DYSF: variants seen among roughly 807,000 people sequenced by gnomAD.
The protein encoded by DYSF is dysferlin.
DYSF carries 212 observed loss-of-function variants against 274.9 expected under a neutral mutation model. That is an observed-to-expected ratio of 0.77 (90% CI 0.69 to 0.86). The LOEUF (loss-of-function observed/expected upper bound fraction) is 0.86, where lower values mean the gene tolerates loss of function less well. Ranked by LOEUF, DYSF falls within the 40% of genes least tolerant of loss-of-function variation. The pLI is 0.00. For synonymous variants in DYSF, 1,091 were observed against 1,078.7 expected, an observed-to-expected ratio of 1.01 and a Z score of -0.22; for missense variants, 2,666 against 2,783.2, an observed-to-expected ratio of 0.96 and a Z score of 0.95.
intron 43 of DYSF, 26 bp downstream of exon 43, chr2:71,656,316 C>G: frequency 6.2e-7 from 1 of 1,612,920 alleles, no homozygotes; most frequent in South Asian, 1.1e-5. Context: ...CGTCCCTAAC[C>G]CAGGTGGGCC....
intron 42 of DYSF, among the ~76,000 whole-genome samples, chr2:71,655,887 C>T (rs1345735312): frequency 1.3e-5 from 2 of 151,898 alleles, no homozygotes; most frequent in Non-Finnish European, 2.9e-5. Flanking sequence ...TCCTTTTGCT[C>T]CCTTCCCCTG....
chr2:71,521,439 A>G (rs1358698894), intron 12 of DYSF, among the ~76,000 whole-genome samples: 1 of 152,222 alleles, frequency 6.6e-6, no homozygotes, highest in Non-Finnish European at 1.5e-5. Context: ...TACAAACACC[A>G]GAGCACCCAC....
chr2:71,656,719 G>T (rs947592753), intron 43 of DYSF, among the ~76,000 whole-genome samples: 3 of 152,138 alleles, frequency 2.0e-5, no homozygotes, highest in African/African-American at 7.2e-5. Context: ...AGAAAATGAG[G>T]AAGAAGCAAA....
chr2:71,686,285 T>G (rs1334084796), intron 55 of DYSF, among the ~76,000 whole-genome samples, 169 bp from the exon 56 acceptor site: 1 of 152,040 alleles, frequency 6.6e-6, no homozygotes, highest in Non-Finnish European at 1.5e-5. Context: ...TGGCAAGTGG[T>G]GAGGGCGAGG....
In DYSF at chr2:71,660,541, G is replaced by A; in HGVS notation, c.4912-19G>A. On this transcript the variant is annotated intron_variant, in intron 44 of 55. Coordinates refer to ENST00000410020, the MANE Select transcript of DYSF (RefSeq NM_001130987.2). ...GTTTGGAAAGTGTTTTCACAGAAGT[G>A]TTTTGTCTCCTCCTCCAGTGTGATC... is the stretch of plus-strand genomic sequence containing the variant. The A allele has an allele frequency of 6.2e-7, 1 of 1,608,582 alleles. No individual in the cohort carries two copies. The highest frequency in any genetic ancestry group is 8.5e-7 in the Non-Finnish European group (1 of 1,174,946).
intron 3 of DYSF, among the ~76,000 whole-genome samples, chr2:71,495,824 C>T (rs1044892664): frequency 3.9e-5 from 6 of 152,088 alleles, no homozygotes; most frequent in African/African-American, 7.2e-5. Context: ...CCTCTGCAGG[C>T]GTGGAGGCAG....
At chr2:71,508,967 C>T (rs2152725093) in intron 4 of DYSF, among the ~76,000 whole-genome samples, 1 of 152,314 alleles carries the variant, frequency 6.6e-6, no homozygotes, top group African/African-American at 2.4e-5. Flanking sequence ...ATCCTCCCAC[C>T]TCAGCCTCCC....
chr2:71,543,230 G>C (rs1458800411), intron 17 of DYSF, among the ~76,000 whole-genome samples: 5 of 38,514 alleles, frequency 1.3e-4, no homozygotes, highest in Admixed American at 8.5e-4. Context: ...ACGGGGTCGC[G>C]GCCGGGCAGA....
chr2:71,604,772 T>C (rs1036643641), intron 36 of DYSF, among the ~76,000 whole-genome samples: 4 of 152,152 alleles, frequency 2.6e-5, no homozygotes, highest in African/African-American at 4.8e-5. Flanking sequence ...GTGAATGAGA[T>C]GAAATACTGT....
chr2:71,681,862 G>C (rs1429359898), intron 54 of DYSF, among the ~76,000 whole-genome samples: 4 of 152,256 alleles, frequency 2.6e-5, no homozygotes, highest in Admixed American at 2.6e-4. Flanking sequence ...GTGTGCCTGA[G>C]TGCCATGGGG....
intron 1 of DYSF, chr2:71,454,091 G>C: frequency 6.2e-7 from 1 of 1,613,496 alleles, no homozygotes; most frequent in Non-Finnish European, 8.5e-7. Flanking sequence ...TTGCAGGTAG[G>C]AGGGGCCGAC....
intron 32 of DYSF, among the ~76,000 whole-genome samples, chr2:71,591,863 C>T (rs1377733918): frequency 1.3e-5 from 2 of 152,196 alleles, no homozygotes; most frequent in African/African-American, 2.4e-5. Context: ...CAGCCAGGTG[C>T]GGGGTGGATG....
chr2:71,642,559 A>T (rs1415127455), intron 41 of DYSF, among the ~76,000 whole-genome samples: 1 of 152,074 alleles, frequency 6.6e-6, no homozygotes, highest in Non-Finnish European at 1.5e-5. Flanking sequence ...ACGCTACCCC[A>T]CCTGACCTTG....
intron 30 of DYSF, among the ~76,000 whole-genome samples, chr2:71,582,624 A>C (rs2092932724): frequency 6.6e-6 from 1 of 152,152 alleles, no homozygotes; most frequent in African/African-American, 2.4e-5. Flanking sequence ...ATCACCCTAG[A>C]ACTGTGCTGG....
chr2:71,667,880 G>A (rs991986082), intron 48 of DYSF, among the ~76,000 whole-genome samples: 1 of 152,090 alleles, frequency 6.6e-6, no homozygotes, highest in South Asian at 2.1e-4. Context: ...TCAGATGCCC[G>A]GCCCTGTGCT....
intron 47 of DYSF, among the ~76,000 whole-genome samples, chr2:71,666,922 G>A (rs1374251075): frequency 6.6e-6 from 1 of 152,220 alleles, no homozygotes; most frequent in East Asian, 1.9e-4. Flanking sequence ...AGTGTTTGCT[G>A]TTATTGCTAT....
chr2:71,475,437 T>C (rs2082331594), intron 1 of DYSF, among the ~76,000 whole-genome samples: 1 of 152,186 alleles, frequency 6.6e-6, no homozygotes. Flanking sequence ...GGTTCAGAGC[T>C]AGAAGCACAC....
intron 30 of DYSF, among the ~76,000 whole-genome samples, chr2:71,589,344 C>T (rs1414216296): frequency 6.6e-6 from 1 of 152,222 alleles, no homozygotes; most frequent in East Asian, 1.9e-4. Context: ...ACTAAAAATT[C>T]CGTTCTGACT....
At chr2:71,504,065 G>T (rs919409344) in intron 4 of DYSF, among the ~76,000 whole-genome samples, 1 of 152,182 alleles carries the variant, frequency 6.6e-6, no homozygotes, top group Non-Finnish European at 1.5e-5. Context: ...CCCCGTGGCG[G>T]GTGTGTGAGG....
Sources: gnomAD v4.1 joint callset for allele counts (sites outside exome capture counted in the v4.1 genomes callset) on GRCh38, gnomAD v4.1.1 for gene constraint, MANE v1.5 for transcripts, NCBI Gene and HGNC (gene_info 2026-07-23, HGNC 2026-07-21) for gene names.